ALCAM: variants seen among roughly 807,000 people sequenced by gnomAD.
ALCAM encodes the protein CD166 antigen.
ALCAM carries 30 observed loss-of-function variants against 70.9 expected under a neutral mutation model. The ratio of observed to expected loss-of-function variants is 0.42; its 90% CI spans 0.32 to 0.57. The LOEUF (loss-of-function observed/expected upper bound fraction) is 0.57, where lower values mean the gene tolerates loss of function less well. Among genes scored for constraint, ALCAM ranks in the 20% least tolerant of loss-of-function variants. ALCAM has a pLI of 0.11. For missense variants in ALCAM, 591 were observed against 695.1 expected (o/e 0.85, Z 1.68); for synonymous variants, 249 against 242.5 (o/e 1.03, Z -0.25).
At chr3:105,379,688 A>G (rs962391235) in intron 1 of ALCAM, among the ~76,000 whole-genome samples, 7 of 151,830 alleles carry the variant, frequency 4.6e-5, no homozygotes, top group African/African-American at 1.2e-4. Flanking sequence ...CAATAGAGGG[A>G]GCTCCACTGC....
In ALCAM at chr3:105,411,200, A is replaced by G. The variant is rs571139595; in HGVS notation, c.73+43719A>G. 3.3e-5 allele frequency among the ~76,000 whole-genome samples: 5 copies of G among 152,212 alleles called. No homozygotes were observed. In the South Asian group the frequency reaches 1.0e-3, roughly 32 times the overall value. On this transcript the variant is annotated intron_variant, in intron 1 of 15. Transcript: ENST00000306107. ...TATAAATTTGCTGCAGTATCTTTAT[A>G]AAGTGGATAATAATTGTGTTAGAGA...
intron 3 of ALCAM, among the ~76,000 whole-genome samples, chr3:105,529,998 A>G (rs147319557): frequency 9.0e-4 from 137 of 152,242 alleles, no homozygotes; most frequent in African/African-American, 3.2e-3. Flanking sequence ...GTCAAATATC[A>G]TCACATATTC....
chr3:105,486,564 A>T (rs1938433427), intron 1 of ALCAM, among the ~76,000 whole-genome samples: 1 of 152,174 alleles, frequency 6.6e-6, no homozygotes, highest in South Asian at 2.1e-4. Context: ...TTGTTTTTAA[A>T]AAGAAGAGAA....
chr3:105,538,355 C>A (rs1371892564), intron 6 of ALCAM, among the ~76,000 whole-genome samples: 1 of 152,022 alleles, frequency 6.6e-6, no homozygotes, highest in African/African-American at 2.4e-5. Flanking sequence ...GGGCAATGGG[C>A]AAAATGATGA....
intron 9 of ALCAM, among the ~76,000 whole-genome samples, chr3:105,546,472 G>A (rs150776675): frequency 4.0e-4 from 60 of 151,478 alleles, no homozygotes; most frequent in African/African-American, 1.3e-3. Context: ...CTAAAATAAA[G>A]TGCCACTTCC....
chr3:105,524,836 GATAC>G (rs1277047058), intron 3 of ALCAM: 1 of 1,068,878 alleles, frequency 9.4e-7, no homozygotes, highest in Non-Finnish European at 1.1e-6. Flanking sequence ...AGTGTTGTGT[GATAC>G]ATACATAGAT....
At chr3:105,506,865 T>C (rs1222803670) in intron 1 of ALCAM, among the ~76,000 whole-genome samples, 2 of 152,176 alleles carry the variant, frequency 1.3e-5, no homozygotes, top group African/African-American at 4.8e-5. Flanking sequence ...CAAGACACTC[T>C]TGTTCATCAG....
At chr3:105,514,730 C>T (rs1939333459) in intron 1 of ALCAM, among the ~76,000 whole-genome samples, 1 of 151,748 alleles carries the variant, frequency 6.6e-6, no homozygotes. Context: ...TCCACAGTGG[C>T]AAGTGGTGGG....
chr3:105,370,407 T>C (rs1935196531), intron 1 of ALCAM, among the ~76,000 whole-genome samples: 1 of 152,210 alleles, frequency 6.6e-6, no homozygotes, highest in Admixed American at 6.5e-5. Flanking sequence ...GACATCTACC[T>C]TCAGGCACTT....
chr3:105,545,681 C>T (rs112115909), intron 9 of ALCAM, among the ~76,000 whole-genome samples: 7 of 151,364 alleles, frequency 4.6e-5, no homozygotes, highest in East Asian at 1.9e-4. Context: ...ATTATCCTTA[C>T]GTGATATTTA....
intron 8 of ALCAM, among the ~76,000 whole-genome samples, chr3:105,543,514 A>G (rs902459001): frequency 3.3e-5 from 5 of 151,640 alleles, no homozygotes; most frequent in African/African-American, 7.3e-5. Flanking sequence ...TTATTTTCCA[A>G]AAACAAGATT....
At chr3:105,405,457 C>T (rs772376845) in intron 1 of ALCAM, among the ~76,000 whole-genome samples, 1 of 151,942 alleles carries the variant, frequency 6.6e-6, no homozygotes, top group Non-Finnish European at 1.5e-5. Context: ...ATAATAGTGA[C>T]GGACTTTAAT....
At chr3:105,501,171 G>C (rs2152616040) in intron 1 of ALCAM, among the ~76,000 whole-genome samples, 1 of 152,306 alleles carries the variant, frequency 6.6e-6, no homozygotes, top group South Asian at 2.1e-4. Context: ...AATGCGGGCT[G>C]TTATCATTAG....
At chr3:105,487,010 T>C (rs1938448449) in intron 1 of ALCAM, among the ~76,000 whole-genome samples, 1 of 140,386 alleles carries the variant, frequency 7.1e-6, no homozygotes, top group Non-Finnish European at 1.6e-5. Flanking sequence ...AGATTCAAAA[T>C]GGGTTACTAG....
chr3:105,506,132 A>G (rs998656601), intron 1 of ALCAM, among the ~76,000 whole-genome samples: 1 of 152,176 alleles, frequency 6.6e-6, no homozygotes, highest in African/African-American at 2.4e-5. Context: ...CTAAAATGAT[A>G]CTCTTTACCT....
At chr3:105,399,635 C>A (rs1417292937) in intron 1 of ALCAM, among the ~76,000 whole-genome samples, 1 of 152,094 alleles carries the variant, frequency 6.6e-6, no homozygotes, top group Admixed American at 6.6e-5. Context: ...GTTACTGTAA[C>A]TAATGCTAAT....
At chr3:105,511,309 C>T (rs907520964) in intron 1 of ALCAM, among the ~76,000 whole-genome samples, 3 of 152,020 alleles carry the variant, frequency 2.0e-5, no homozygotes, top group African/African-American at 7.2e-5. Flanking sequence ...ATTTTATCTT[C>T]AGATAGCAGA....
chr3:105,385,702 A>G (rs2107343195), intron 1 of ALCAM, among the ~76,000 whole-genome samples: 1 of 151,812 alleles, frequency 6.6e-6, no homozygotes, highest in East Asian at 1.9e-4. Flanking sequence ...GTCCAAATTT[A>G]ACAATGTGTG....
At chr3:105,451,861 C>T (rs768920476) in intron 1 of ALCAM, among the ~76,000 whole-genome samples, 18 of 152,092 alleles carry the variant, frequency 1.2e-4, no homozygotes, top group Non-Finnish European at 1.9e-4. Context: ...TAGGACACTG[C>T]GTTGGTTTGC....
Sources: gnomAD v4.1 joint callset for allele counts (sites outside exome capture counted in the v4.1 genomes callset) on GRCh38, gnomAD v4.1.1 for gene constraint, MANE v1.5 for transcripts, NCBI Gene and HGNC (gene_info 2026-07-23, HGNC 2026-07-21) for gene names.